Variants in LYST observed in about 807,000 individuals in gnomAD.
LYST encodes the protein lysosomal trafficking regulator.
Under a neutral mutation model 413.6 loss-of-function variants are expected in LYST, and 192 were observed. The ratio of observed to expected loss-of-function variants is 0.46; its 90% CI spans 0.41 to 0.52. LYST has a LOEUF of 0.52. LYST is among the 20% of genes least tolerant of loss of function. The probability of loss-of-function intolerance (pLI) is 0.00; values close to 1 mark genes in which losing one functional copy is unlikely to be tolerated. For missense variants in LYST, 3,815 were observed against 4,499.9 expected (o/e 0.85, Z 4.35); for synonymous variants, 1,525 against 1,567.3 (o/e 0.97, Z 0.64).
At chr1:235,817,592 T>C (rs1674302636) in intron 3 of LYST, among the ~76,000 whole-genome samples, 1 of 152,168 alleles carries the variant, frequency 6.6e-6, no homozygotes, top group Non-Finnish European at 1.5e-5. Flanking sequence ...GAGGTCATTA[T>C]CCTAGGTGAA....
At chr1:235,718,349 T>G (rs530199963) in intron 40 of LYST, among the ~76,000 whole-genome samples, 167 of 152,058 alleles carry the variant, frequency 1.1e-3, no homozygotes, top group Middle Eastern at 6.8e-3. Context: ...TATTTATCTG[T>G]GCAAGCATAT....
chr1:235,710,928 A>C (rs915229057), intron 43 of LYST, among the ~76,000 whole-genome samples: 1 of 152,160 alleles, frequency 6.6e-6, no homozygotes, highest in Non-Finnish European at 1.5e-5. Context: ...CTGACATTGC[A>C]TGAAGAGAGG....
chr1:235,878,888 A>ATT (rs900635824), intron 1 of LYST, among the ~76,000 whole-genome samples: 3 of 150,588 alleles, frequency 2.0e-5, no homozygotes, highest in Non-Finnish European at 4.4e-5. Context: ...TAGTATTTAA[A>ATT]TTTTTTTTTT....
rs549614224 is a variant in LYST at position 235,781,201 on chromosome 1, G to A, written c.5024-146C>T. 63 of 616,710 alleles carry A rather than the reference G, an allele frequency of 1.0e-4. No homozygotes were observed. In the Middle Eastern group the frequency reaches 1.3e-3, roughly 13 times the overall value. The allele number at this position is 616,710 out of a possible 1,614,324, so 38.2% of individuals were successfully genotyped here. On this transcript the variant is annotated intron_variant, in intron 15 of 52. Transcript: ENST00000389793. ...ATAAAATTGATAAAGCCTCAATTTCGAAATTGGTGTAACGAGAAAATAACC... is the reference window on the plus strand; with the variant it reads ...ATAAAATTGATAAAGCCTCAATTTCAAAATTGGTGTAACGAGAAAATAACC...
rs16832868 is a variant in LYST, at chr1:235,808,502, G to C, written c.2316C>G (p.Asp772Glu). ...GAGTTTTTACATAAATCTGAAGCACGTCCTGAGGCAAGCACTGGTTATGAT... is the reference window on the plus strand; with the variant it reads ...GAGTTTTTACATAAATCTGAAGCACCTCCTGAGGCAAGCACTGGTTATGAT... ...CSHHNQCLPQ[D>E]VLQIYVKTLP... Residue 772 changes from aspartate (D) to glutamate (E), a missense_variant, in exon 5 of 53, where the codon GAC (aspartate) becomes GAG (glutamate). Transcript: ENST00000389793. The C allele has an allele frequency of 8.7e-6, 14 of 1,613,268 alleles. No homozygotes were observed. In the South Asian group the frequency reaches 1.5e-4, roughly 18 times the overall value.
chr1:235,731,319 G>A (rs1199491879), intron 34 of LYST, 142 bp from the exon 35 acceptor site: 4 of 747,116 alleles, frequency 5.4e-6, no homozygotes, highest in East Asian at 2.6e-5. Flanking sequence ...ATTTGATCAG[G>A]GAATGCATAT....
At chr1:235,679,516 T>C (rs1474630475) in intron 48 of LYST, among the ~76,000 whole-genome samples, 1 of 152,130 alleles carries the variant, frequency 6.6e-6, no homozygotes. Flanking sequence ...TTTTCATAAA[T>C]TTATTTTCTT....
At chr1:235,688,502 T>C (rs1660384014) in intron 47 of LYST, among the ~76,000 whole-genome samples, 2 of 152,240 alleles carry the variant, frequency 1.3e-5, no homozygotes, top group Admixed American at 6.5e-5. Context: ...TAGTCTACTT[T>C]TGGCTTTCAT....
At position 235,809,170 on chromosome 1, in the gene LYST, T is replaced by C. The variant is rs762907395; in HGVS notation, c.1648A>G (p.Ile550Val). Reference sequence around the variant, plus strand: ...AAGCACTGATGGGCACACACTGCAATGCAACAGCACCGCTCAGGATAATAA... The same window carrying C: ...AAGCACTGATGGGCACACACTGCAACGCAACAGCACCGCTCAGGATAATAA... ...DVYYPERCCC[I>V]AVCAHQCLRL... Residue 550 changes from isoleucine (I) to valine (V), a missense_variant, in exon 5 of 53, where the codon ATT (isoleucine) becomes GTT (valine). Physicochemically the swap from Ile to Val is conservative, Grantham distance 29. Coordinates refer to ENST00000389793, the MANE Select transcript of LYST (RefSeq NM_000081.4). This position sits in a 1 kb window ranked among gnomAD's most constrained non-coding sequence, Gnocchi z 4.0. 2 of 1,613,994 alleles carry C rather than the reference T, an allele frequency of 1.2e-6. No homozygotes were observed. The highest frequency in any genetic ancestry group is 2.2e-5 in the East Asian group (1 of 44,846).
chr1:235,679,572 A>G (rs893520481), intron 48 of LYST, among the ~76,000 whole-genome samples: 33 of 152,150 alleles, frequency 2.2e-4, no homozygotes, highest in African/African-American at 7.0e-4. Context: ...TCACTACATT[A>G]TAACATTTAC....
upstream of LYST, among the ~76,000 whole-genome samples, chr1:235,871,569 A>G (rs754879925): frequency 6.6e-6 from 1 of 152,394 alleles, no homozygotes; most frequent in Admixed American, 6.5e-5. Flanking sequence ...GTAACATAGG[A>G]AAATAACAAT....
At chr1:235,835,410 TC>T (rs1676467035) in intron 1 of LYST, among the ~76,000 whole-genome samples, 1 of 152,178 alleles carries the variant, frequency 6.6e-6, no homozygotes, top group Non-Finnish European at 1.5e-5. Context: ...TCCAGCTAAC[TC>T]AGCGTGGCCG....
rs557545474 is a variant in LYST, at chr1:235,775,088, T to TA, written c.5461-3dup. 44,031 of 1,114,534 alleles carry TA rather than the reference T, an allele frequency of 0.04. 45 individuals carry two copies. Among genetic ancestry groups the TA allele is most frequent in the Admixed American group, 0.049 (2,146 of 43,802 alleles). The allele number at this position is 1,114,534 out of a possible 1,614,324, so 69.0% of individuals were successfully genotyped here. On this transcript the variant is annotated splice_region_variant and splice_polypyrimidine_tract_variant and intron_variant, in intron 17 of 52. Coordinates refer to ENST00000389793, the MANE Select transcript of LYST (RefSeq NM_000081.4). ...TTCACAGCTACTGAGTTCAACAACCTAAAAAAAAAAATGGGTGGATATAGT... is the reference window on the plus strand; with the variant it reads ...TTCACAGCTACTGAGTTCAACAACCTAAAAAAAAAAAATGGGTGGATATAGT...
chr1:235,784,555 A>G (rs890867562), intron 14 of LYST, among the ~76,000 whole-genome samples: 96 of 152,328 alleles, frequency 6.3e-4, no homozygotes, highest in African/African-American at 2.0e-3. Context: ...GTTTAGGTTA[A>G]ACTTTCAGCT....
intron 8 of LYST, among the ~76,000 whole-genome samples, chr1:235,801,968 G>A (rs1672279434): frequency 6.6e-6 from 1 of 152,038 alleles, no homozygotes; most frequent in Admixed American, 6.6e-5. Context: ...GGCCGAGGCG[G>A]GTGGATCACG....
In LYST at chr1:235,674,340, C is replaced by T. The variant is rs1433702029; in HGVS notation, c.11038+2751G>A. Among the ~76,000 whole-genome samples, 1 of 151,498 alleles carries T rather than the reference C, an allele frequency of 6.6e-6. No homozygotes were observed. The highest frequency in any genetic ancestry group is 1.9e-4 in the East Asian group (1 of 5,158). On this transcript the variant is annotated intron_variant, in intron 50 of 52. Coordinates refer to ENST00000389793, the MANE Select transcript of LYST (RefSeq NM_000081.4). This position sits in a 1 kb window ranked among gnomAD's most constrained non-coding sequence, Gnocchi z 4.1. ...AAGCAAGTGGAGTGGCATTTGCGCT[C>T]TAATCCAATTAGCCATCCCTTTCAC...
At chr1:235,773,280 T>TA (rs903863802) in intron 19 of LYST, among the ~76,000 whole-genome samples, 2 of 151,414 alleles carry the variant, frequency 1.3e-5, no homozygotes, top group African/African-American at 4.9e-5. Context: ...ATCACGCCAC[T>TA]GCACTCCAGC....
At chr1:235,689,216 C>T (rs1055384806) in intron 47 of LYST, among the ~76,000 whole-genome samples, 1 of 151,922 alleles carries the variant, frequency 6.6e-6, no homozygotes, top group African/African-American at 2.4e-5. Context: ...GCTAACAGGA[C>T]TTGTGATAGT....
chr1:235,688,425 T>C (rs745941758), intron 47 of LYST, among the ~76,000 whole-genome samples: 4 of 152,236 alleles, frequency 2.6e-5, no homozygotes, highest in Non-Finnish European at 5.9e-5. Context: ...GTTTTCTTAT[T>C]GCATTGTCCA....
Sources: gnomAD v4.1 joint callset for allele counts (sites outside exome capture counted in the v4.1 genomes callset) on GRCh38, gnomAD v4.1.1 for gene constraint, Gnocchi (gnomAD v3.1) non-coding constraint, MANE v1.5 for transcripts, NCBI Gene and HGNC (gene_info 2026-07-23, HGNC 2026-07-21) for gene names.